Variants in DEPTOR observed in about 807,000 individuals in gnomAD.
DEPTOR encodes DEP domain containing MTOR interacting protein, also known as DEP domain-containing mTOR-interacting protein.
In DEPTOR, 41 loss-of-function variants were observed where a neutral mutation model predicts 41.6. The observed-to-expected ratio is 0.98, with a 90% CI of 0.77 to 1.28. The LOEUF (loss-of-function observed/expected upper bound fraction) is 1.28. Among genes scored for constraint, DEPTOR ranks in the 50% most tolerant of loss-of-function variants. DEPTOR has a pLI of 0.00. For synonymous variants in DEPTOR, 195 were observed against 192.3 expected, an observed-to-expected ratio of 1.01 and a Z score of -0.12; for missense variants, 514 against 527.9, an observed-to-expected ratio of 0.97 and a Z score of 0.26.
chr8:119,938,944 GCTCTCTCTCTCT>G (rs139892847), intron 3 of DEPTOR, among the ~76,000 whole-genome samples: 2,161 of 126,016 alleles, frequency 0.017, 60 homozygotes, highest in African/African-American at 0.06. Context: ...GTTCCTTCTT[GCTCTCTCTCTCT>G]CTCTCTCTCT....
At chr8:119,917,958 G>A (rs936428666) in intron 1 of DEPTOR, among the ~76,000 whole-genome samples, 1 of 152,328 alleles carries the variant, frequency 6.6e-6, no homozygotes, top group Middle Eastern at 3.4e-3. Context: ...CTAAAGCACA[G>A]CACTTAATTC....
chr8:119,923,026 G>A (rs1827916516), intron 1 of DEPTOR, among the ~76,000 whole-genome samples: 1 of 152,018 alleles, frequency 6.6e-6, no homozygotes, highest in South Asian at 2.1e-4. Context: ...TCAAAAGGAA[G>A]AACTGAACCT....
At chr8:119,973,354 C>T (rs1828657581) in intron 4 of DEPTOR, among the ~76,000 whole-genome samples, 2 of 152,136 alleles carry the variant, frequency 1.3e-5, no homozygotes, top group Admixed American at 1.3e-4. Flanking sequence ...CCCACCTCAG[C>T]TCCTGAGTAG....
intron 8 of DEPTOR, among the ~76,000 whole-genome samples, chr8:120,022,272 T>C (rs979024804): frequency 6.6e-5 from 10 of 151,902 alleles, no homozygotes; most frequent in African/African-American, 2.4e-4. Context: ...TCAAGCCCCA[T>C]TGACTACTAC....
intron 3 of DEPTOR, among the ~76,000 whole-genome samples, chr8:119,930,291 C>T (rs1170015482): frequency 1.3e-5 from 2 of 152,098 alleles, no homozygotes; most frequent in Non-Finnish European, 2.9e-5. Flanking sequence ...GGCTGGAGTG[C>T]AGTGGCATGA....
intron 4 of DEPTOR, among the ~76,000 whole-genome samples, chr8:119,983,289 C>A (rs1442221055): frequency 6.6e-6 from 1 of 150,434 alleles, no homozygotes; most frequent in Non-Finnish European, 1.5e-5. Flanking sequence ...CTTTCTGTGT[C>A]TCCCAGGCTG....
At position 119,955,544 on chromosome 8, in the gene DEPTOR, G is replaced by A. The variant is rs539581178; in HGVS notation, c.426-9688G>A. Among the ~76,000 whole-genome samples the A allele has an allele frequency of 1.5e-3, 226 of 151,286 alleles. 1 individual carries two copies. The South Asian group carries it at 0.022, about 15-fold the overall frequency. On this transcript the variant is annotated intron_variant, in intron 3 of 8. Transcript: ENST00000286234. Reference sequence around the variant, plus strand: ...TGCAATGGTGTGATCTTGGCTCACCGCAACCTCTCCCTCCTGAGTTCAAGC... The same window carrying A: ...TGCAATGGTGTGATCTTGGCTCACCACAACCTCTCCCTCCTGAGTTCAAGC...
rs146929949 is a variant in DEPTOR, at chr8:119,918,946, T to C, written c.123-9454T>C. Among the ~76,000 whole-genome samples, 75 of 136,330 alleles carry C rather than the reference T, an allele frequency of 5.5e-4. No individual in the cohort carries two copies. In the East Asian group the frequency reaches 0.013, roughly 23 times the overall value. The allele number at this position is 136,330 out of a possible 152,430, so 89.4% of individuals were successfully genotyped here. On this transcript the variant is annotated intron_variant, in intron 1 of 8. Coordinates refer to ENST00000286234, the MANE Select transcript of DEPTOR (RefSeq NM_022783.4). Reference sequence around the variant, plus strand: ...CAGCTATTTGCATAGTGAGTGTGTGTGTGTGTGTGTGTGTGTGTGTATGTG... The same window carrying C: ...CAGCTATTTGCATAGTGAGTGTGTGCGTGTGTGTGTGTGTGTGTGTATGTG...
intron 1 of DEPTOR, among the ~76,000 whole-genome samples, chr8:119,921,750 T>G (rs1158822659): frequency 6.9e-5 from 10 of 144,260 alleles, no homozygotes; most frequent in South Asian, 6.8e-4. Flanking sequence ...ATTCTGTAGT[T>G]TTTTTTTTTG....
At chr8:119,938,829 T>TTTCC (rs1410081143) in intron 3 of DEPTOR, among the ~76,000 whole-genome samples, 1 of 151,722 alleles carries the variant, frequency 6.6e-6, no homozygotes, top group Non-Finnish European at 1.5e-5. Flanking sequence ...GCCTTCCTTC[T>TTTCC]TTCCTTCCTT....
intron 4 of DEPTOR, among the ~76,000 whole-genome samples, chr8:119,996,078 T>C (rs186763463): frequency 1.3e-4 from 20 of 152,336 alleles, no homozygotes; most frequent in Non-Finnish European, 2.6e-4. Context: ...TTGTCACTTT[T>C]GTATGCTGAG....
intron 1 of DEPTOR, among the ~76,000 whole-genome samples, chr8:119,901,904 A>G (rs1167458381): frequency 6.6e-6 from 1 of 151,296 alleles, no homozygotes; most frequent in African/African-American, 2.4e-5. Context: ...ATTTTATTTT[A>G]TTTATTTCTT....
At chr8:119,918,116 G>A (rs1475309483) in intron 1 of DEPTOR, among the ~76,000 whole-genome samples, 2 of 152,088 alleles carry the variant, frequency 1.3e-5, no homozygotes, top group African/African-American at 2.4e-5. Context: ...AGAGGCTGGC[G>A]TGGATCCTCT....
intron 3 of DEPTOR, among the ~76,000 whole-genome samples, chr8:119,961,282 G>C (rs143761682): frequency 0.036 from 5,441 of 151,872 alleles, 105 homozygotes; most frequent in African/African-American, 0.052. Context: ...CAGGTGTGGT[G>C]GTGCATGCCT....
At chr8:120,017,988 A>G (rs891822932) in intron 8 of DEPTOR, among the ~76,000 whole-genome samples, 4 of 152,212 alleles carry the variant, frequency 2.6e-5, no homozygotes, top group Admixed American at 6.5e-5. Context: ...GAGTCAGAAT[A>G]AAGAACTAGT....
intron 1 of DEPTOR, among the ~76,000 whole-genome samples, chr8:119,888,550 G>T (rs115892656): frequency 0.019 from 2,827 of 152,146 alleles, 86 homozygotes; most frequent in African/African-American, 0.063. Context: ...CAATCTTGAT[G>T]GATAAACAAG....
intron 4 of DEPTOR, among the ~76,000 whole-genome samples, chr8:120,000,315 C>T (rs958179206): frequency 6.6e-6 from 1 of 152,118 alleles, no homozygotes; most frequent in Non-Finnish European, 1.5e-5. Context: ...CCCAAGGCCC[C>T]CCTCCAGCCC....
At chr8:120,019,197 C>T (rs890220045) in intron 8 of DEPTOR, among the ~76,000 whole-genome samples, 4 of 152,036 alleles carry the variant, frequency 2.6e-5, no homozygotes, top group East Asian at 3.9e-4. Flanking sequence ...CCCAGCTACT[C>T]ATGAGGCTGA....
chr8:120,013,769 G>C (rs1202435371), intron 8 of DEPTOR, among the ~76,000 whole-genome samples: 2 of 152,112 alleles, frequency 1.3e-5, no homozygotes, highest in Non-Finnish European at 2.9e-5. Flanking sequence ...TTTTGAATGG[G>C]GGCAGAGCCC....
Sources: allele counts gnomAD v4.1 joint callset (sites outside exome capture counted in the v4.1 genomes callset), GRCh38; gene constraint gnomAD v4.1.1; transcripts MANE v1.5; gene names NCBI Gene and HGNC (gene_info 2026-07-23, HGNC 2026-07-21).